PTPRU: variants seen among roughly 807,000 people sequenced by gnomAD.
The protein encoded by PTPRU is receptor-type tyrosine-protein phosphatase U.
In PTPRU, 69 loss-of-function variants were observed where a neutral mutation model predicts 166.3. That is an observed-to-expected ratio of 0.41 (90% CI 0.34 to 0.51). The LOEUF (loss-of-function observed/expected upper bound fraction) is 0.51. PTPRU is among the 20% of genes least tolerant of loss of function. PTPRU has a pLI of 0.09. For missense variants in PTPRU, 1,657 were observed against 2,013.7 expected, an observed-to-expected ratio of 0.82 and a Z score of 3.39; for synonymous variants, 793 against 814.0, an observed-to-expected ratio of 0.97 and a Z score of 0.44.
chr1:29,313,272 G>A (rs1000152138), intron 22 of PTPRU, among the ~76,000 whole-genome samples: 4 of 152,082 alleles, frequency 2.6e-5, no homozygotes, highest in Non-Finnish European at 4.4e-5. Flanking sequence ...CCTGGAGAGC[G>A]TAACCCCCAA....
At position 29,236,777 on chromosome 1, in the gene PTPRU, C is replaced by T; in HGVS notation, c.73+60C>T. ...CCGAGCCTCGGGGCCCGTGGCGTAG[C>T]TCGGAAGAAAGTGTGAGTGTTGAGT... On this transcript the variant is annotated intron_variant, in intron 1 of 29. Transcript: ENST00000373779. The surrounding 1 kb of genome is among the most constrained non-coding windows in gnomAD (Gnocchi z 4.6). 7.4e-7 allele frequency: 1 copy of T among 1,351,110 alleles called. No homozygotes were observed. The highest frequency in any genetic ancestry group is 3.0e-5 in the East Asian group (1 of 33,654). 83.7% of individuals were successfully genotyped at this position (1,351,110 alleles called of 1,614,324 possible).
intron 7 of PTPRU, among the ~76,000 whole-genome samples, chr1:29,267,585 T>G (rs546573112): frequency 6.6e-6 from 1 of 152,216 alleles, no homozygotes; most frequent in South Asian, 2.1e-4. Context: ...GCCTGGAGGC[T>G]GGAGAATGCT....
intron 1 of PTPRU, among the ~76,000 whole-genome samples, chr1:29,252,010 C>A (rs1684564018): frequency 6.6e-6 from 1 of 152,150 alleles, no homozygotes; most frequent in African/African-American, 2.4e-5. Context: ...AAGCTGAGGC[C>A]CTCCAGGTAC....
chr1:29,285,918 G>T (rs973059385), intron 14 of PTPRU, among the ~76,000 whole-genome samples: 1 of 152,238 alleles, frequency 6.6e-6, no homozygotes, highest in East Asian at 1.9e-4. Context: ...AGGGCACGCA[G>T]GGCTGCCCAA....
At chr1:29,282,539 C>T in intron 11 of PTPRU, 137 bp from the exon 12 acceptor site, 1 of 1,236,068 alleles carries the variant, frequency 8.1e-7, no homozygotes, top group Non-Finnish European at 1.1e-6. Context: ...AGGGGACTTG[C>T]CCAGCTAGTA....
In PTPRU at chr1:29,291,917, G is replaced by A. The variant is rs766810211; in HGVS notation, c.2367G>A (p.Lys789=). 6.2e-7 allele frequency: 1 copy of A among 1,614,176 alleles called. No homozygotes were observed. Among genetic ancestry groups the A allele is most frequent in the South Asian group, 1.1e-5 (1 of 91,078 alleles). The stretch of plus-strand genomic sequence containing the variant: ...CCACCGTCAACTACCGCCAGGAGAA[G>A]ACACACATGATGAGCGCCGTGGACC... ...TKATVNYRQE[K]THMMSAVDRS... Residue 789 remains lysine (K), a synonymous_variant, in exon 15 of 30, where the codon AAG becomes AAA. Transcript: ENST00000373779. This position sits in a 1 kb window ranked among gnomAD's most constrained non-coding sequence, Gnocchi z 4.1.
intron 12 of PTPRU, among the ~76,000 whole-genome samples, chr1:29,283,504 A>G (rs910592878): frequency 1.3e-5 from 2 of 151,754 alleles, no homozygotes; most frequent in African/African-American, 2.4e-5. Flanking sequence ...TTCTCTTCCC[A>G]GAGGAGTCCA....
chr1:29,318,021 G>T, intron 25 of PTPRU, 100 bp downstream of exon 25: 3 of 1,446,754 alleles, frequency 2.1e-6, no homozygotes, highest in Non-Finnish European at 2.8e-6. Flanking sequence ...TCTGTTGGGG[G>T]GACCCCTGCC....
chr1:29,296,589 A>C (rs1411891191), intron 15 of PTPRU, among the ~76,000 whole-genome samples: 1 of 150,408 alleles, frequency 6.6e-6, no homozygotes, highest in African/African-American at 2.4e-5. Context: ...GTTCACTGCA[A>C]CCTCGACCTC....
In PTPRU at chr1:29,283,907, C is replaced by T. The variant is rs376359027; in HGVS notation, c.2143-33C>T. 21 of 1,613,758 alleles carry T rather than the reference C, an allele frequency of 1.3e-5. No individual in the cohort carries two copies. The South Asian group carries it at 1.8e-4, about 13-fold the overall frequency. ...CCTGGGGAGGGAGAGGTCGGGGCTT[C>T]AGCAACGCTGAGACCCCCATCTGTG... On this transcript the variant is annotated intron_variant, in intron 12 of 29. Transcript: ENST00000373779.
chr1:29,239,984 T>C (rs1261529084), intron 1 of PTPRU, among the ~76,000 whole-genome samples: 7 of 152,162 alleles, frequency 4.6e-5, no homozygotes, highest in Non-Finnish European at 8.8e-5. Context: ...TCCAGCTGCA[T>C]CTTGTTTTGT....
intron 12 of PTPRU, among the ~76,000 whole-genome samples, chr1:29,283,300 G>A (rs1686182669): frequency 1.7e-5 from 2 of 115,530 alleles, no homozygotes; most frequent in African/African-American, 3.4e-5. Context: ...CCCAGAGTCC[G>A]TCCCATAGTC....
At chr1:29,290,099 C>G (rs529272356) in intron 14 of PTPRU, among the ~76,000 whole-genome samples, 1 of 152,310 alleles carries the variant, frequency 6.6e-6, no homozygotes, top group Non-Finnish European at 1.5e-5. Context: ...CGCTCTGGAG[C>G]CCACGTCCAT....
chr1:29,323,235 T>G (rs1574736451), intron 26 of PTPRU, 136 bp from the exon 27 acceptor site: 2 of 1,190,812 alleles, frequency 1.7e-6, no homozygotes, highest in Non-Finnish European at 2.3e-6. Flanking sequence ...CTGCTGAAGG[T>G]GAGTCTGGAG....
intron 18 of PTPRU, among the ~76,000 whole-genome samples, chr1:29,307,401 G>A (rs1316495133): frequency 1.3e-5 from 2 of 152,234 alleles, no homozygotes; most frequent in Non-Finnish European, 2.9e-5. Context: ...CAGCAGTGTT[G>A]GGGGTGCTTC....
Position 29,245,745 on chromosome 1 carries a change from G to A in PTPRU, c.73+9028G>A, listed in dbSNP as rs551002915. Among the ~76,000 whole-genome samples the A allele has an allele frequency of 8.5e-5, 13 of 152,318 alleles. No individual in the cohort carries two copies. In the Middle Eastern group the frequency reaches 0.01, roughly 120 times the overall value. ...CTGTGTCACTCTGCTGGATGTCAGT[G>A]TTGCATTGGGAAGGTGAATTCTCCT... On this transcript the variant is annotated intron_variant, in intron 1 of 29. Coordinates refer to ENST00000373779, the MANE Select transcript of PTPRU (RefSeq NM_133178.4).
In PTPRU at chr1:29,305,447, CA is replaced by C; in HGVS notation, c.2820+20del. The C allele has an allele frequency of 6.2e-7, 1 of 1,610,414 alleles. No homozygotes were observed. Among genetic ancestry groups the C allele is most frequent in the Non-Finnish European group, 8.5e-7 (1 of 1,177,168 alleles). ...CATAGATGTGAGTGCCTTGCCCTGT[CA>C]TTTCTGCAGACCTGGCCCTGCCCGC... is the stretch of plus-strand genomic sequence containing the variant. On this transcript the variant is annotated intron_variant, in intron 18 of 29. Transcript: ENST00000373779.
At chr1:29,310,859 C>A in intron 19 of PTPRU, 79 bp downstream of exon 19, 2 of 1,500,024 alleles carry the variant, frequency 1.3e-6, no homozygotes, top group South Asian at 1.1e-5. Context: ...GCCTTTCTGC[C>A]TCCCCTGCTG....
At chr1:29,253,651 C>T (rs961076461) in intron 1 of PTPRU, among the ~76,000 whole-genome samples, 1 of 151,804 alleles carries the variant, frequency 6.6e-6, no homozygotes, top group South Asian at 2.1e-4. Flanking sequence ...TACTTTTGCA[C>T]TAACCAAATA....
Sources: gnomAD v4.1 joint callset for allele counts (sites outside exome capture counted in the v4.1 genomes callset) on GRCh38, gnomAD v4.1.1 for gene constraint, Gnocchi (gnomAD v3.1) non-coding constraint, MANE v1.5 for transcripts, NCBI Gene and HGNC (gene_info 2026-07-23, HGNC 2026-07-21) for gene names.